SLC2A13: variants seen among roughly 807,000 people sequenced by gnomAD.
SLC2A13 encodes the protein proton myo-inositol cotransporter.
Under a neutral mutation model 64.4 loss-of-function variants are expected in SLC2A13, and 32 were observed. The observed-to-expected ratio is 0.50, with a 90% CI of 0.37 to 0.67. The LOEUF is 0.67. Ranked by LOEUF, SLC2A13 falls within the 30% of genes least tolerant of loss-of-function variation. SLC2A13 has a pLI of 0.00. For missense variants in SLC2A13, 743 were observed against 829.2 expected (o/e 0.90, Z 1.28); for synonymous variants, 338 against 327.1 (o/e 1.03, Z -0.36).
At chr12:39,770,387 G>A (rs1178650541) in intron 7 of SLC2A13, among the ~76,000 whole-genome samples, 2 of 152,128 alleles carry the variant, frequency 1.3e-5, no homozygotes, top group African/African-American at 2.4e-5. Context: ...GCAGCATGGG[G>A]CTGCTCTGAG....
rs777418112 is a variant in SLC2A13, at chr12:39,895,514, T to TTA, written c.1035-23555_1035-23554dup. Among the ~76,000 whole-genome samples the TTA allele has an allele frequency of 1.2e-3, 67 of 56,626 alleles. 2 individuals carry two copies. Among genetic ancestry groups the TTA allele is most frequent in the African/African-American group, 4.4e-3 (58 of 13,066 alleles). 37.1% of individuals were successfully genotyped at this position (56,626 alleles called of 152,430 possible). On this transcript the variant is annotated intron_variant, in intron 4 of 9. Transcript: ENST00000280871. ...CAAAAAAAAAAAAAAAAAAAAAAAA[T>TTA]TATATATATATATATATATATATAT... is the stretch of plus-strand genomic sequence containing the variant.
intron 4 of SLC2A13, among the ~76,000 whole-genome samples, chr12:39,925,682 C>T (rs1945715379): frequency 6.6e-6 from 1 of 152,012 alleles, no homozygotes; most frequent in African/African-American, 2.4e-5. Flanking sequence ...TTAGTTTTTA[C>T]TACTAAAAGA....
At chr12:40,098,460 A>C (rs1264730024) in intron 1 of SLC2A13, among the ~76,000 whole-genome samples, 1 of 152,238 alleles carries the variant, frequency 6.6e-6, no homozygotes, top group African/African-American at 2.4e-5. Context: ...TGTACACCTT[A>C]AAATGGGTTA....
chr12:39,775,012 T>G (rs553472041), intron 7 of SLC2A13, among the ~76,000 whole-genome samples: 174 of 152,298 alleles, frequency 1.1e-3, no homozygotes, highest in South Asian at 6.2e-3. Flanking sequence ...ATTTGAACAT[T>G]AGAATATTCA....
chr12:39,764,305 A>G (rs541574214), intron 9 of SLC2A13, among the ~76,000 whole-genome samples, 155 bp downstream of exon 9: 11 of 152,176 alleles, frequency 7.2e-5, no homozygotes, highest in Admixed American at 6.5e-4. Context: ...TCCCAGACAC[A>G]TTTCCGATGC....
At chr12:39,799,993 A>G (rs1941726509) in intron 7 of SLC2A13, among the ~76,000 whole-genome samples, 1 of 152,168 alleles carries the variant, frequency 6.6e-6, no homozygotes, top group Non-Finnish European at 1.5e-5. Flanking sequence ...CAAAATGAAG[A>G]TTGATGTCTA....
chr12:40,043,734 G>GA (rs76244392), intron 2 of SLC2A13, among the ~76,000 whole-genome samples: 4 of 148,824 alleles, frequency 2.7e-5, no homozygotes, highest in Admixed American at 6.7e-5. Context: ...AATATATTAG[G>GA]AAAAAAAAAA....
chr12:39,891,235 C>A (rs1364595126), intron 4 of SLC2A13, among the ~76,000 whole-genome samples: 1 of 151,004 alleles, frequency 6.6e-6, no homozygotes, highest in Non-Finnish European at 1.5e-5. Flanking sequence ...CTGCTGAGCT[C>A]TGCCTCTGCC....
At chr12:40,079,118 G>GTTTTTGTTCAGTTCAGCTCAGA in intron 1 of SLC2A13, among the ~76,000 whole-genome samples, 1 of 151,872 alleles carries the variant, frequency 6.6e-6, no homozygotes, top group South Asian at 2.1e-4. Context: ...TTCACCTGTG[G>GTTTTTGTTCAGTTCAGCTCAGA]TTTTTGTTCA....
At chr12:39,964,010 C>T (rs1028641232) in intron 3 of SLC2A13, among the ~76,000 whole-genome samples, 3 of 152,106 alleles carry the variant, frequency 2.0e-5, no homozygotes, top group East Asian at 1.9e-4. Context: ...CCCCAGATTC[C>T]GGAAGTATGA....
At chr12:39,807,836 G>A (rs1350180379) in intron 7 of SLC2A13, among the ~76,000 whole-genome samples, 1 of 152,112 alleles carries the variant, frequency 6.6e-6, no homozygotes, top group Non-Finnish European at 1.5e-5. Context: ...ATCGTACCAG[G>A]AGAATCTTGT....
At chr12:39,797,110 T>G (rs966047441) in intron 7 of SLC2A13, among the ~76,000 whole-genome samples, 4 of 152,206 alleles carry the variant, frequency 2.6e-5, no homozygotes, top group Non-Finnish European at 5.9e-5. Context: ...CAGTAAGTAC[T>G]GGTTAATGAA....
intron 4 of SLC2A13, among the ~76,000 whole-genome samples, chr12:39,941,290 T>C (rs986245525): frequency 3.9e-5 from 6 of 152,310 alleles, no homozygotes; most frequent in African/African-American, 1.4e-4. Context: ...AGATACCTAG[T>C]AGTGGGATTG....
At chr12:39,790,509 G>A (rs1941359295) in intron 7 of SLC2A13, among the ~76,000 whole-genome samples, 1 of 150,304 alleles carries the variant, frequency 6.7e-6, no homozygotes, top group Non-Finnish European at 1.5e-5. Context: ...TGAGAATGAT[G>A]GTTTCCAATT....
intron 3 of SLC2A13, among the ~76,000 whole-genome samples, chr12:40,007,945 G>A (rs1040509690): frequency 1.2e-4 from 19 of 152,036 alleles, no homozygotes; most frequent in African/African-American, 4.6e-4. Flanking sequence ...AATATACAAT[G>A]GGTTTTACGG....
At chr12:40,086,934 C>T (rs770281065) in intron 1 of SLC2A13, among the ~76,000 whole-genome samples, 2 of 152,198 alleles carry the variant, frequency 1.3e-5, no homozygotes, top group African/African-American at 2.4e-5. Flanking sequence ...TCCCAAGAGG[C>T]ATAATTAGGT....
At chr12:40,059,492 T>C (rs768714911) in intron 1 of SLC2A13, among the ~76,000 whole-genome samples, 1 of 152,200 alleles carries the variant, frequency 6.6e-6, no homozygotes, top group South Asian at 2.1e-4. Flanking sequence ...TTAGGTTTGA[T>C]TTCTTTGCTA....
intron 4 of SLC2A13, among the ~76,000 whole-genome samples, chr12:39,884,792 C>G (rs1433449802): frequency 2.0e-5 from 3 of 152,160 alleles, no homozygotes; most frequent in Non-Finnish European, 4.4e-5. Context: ...CAATTAGCCA[C>G]AGTACTGTTT....
chr12:39,976,307 G>C (rs1946756350), intron 3 of SLC2A13, among the ~76,000 whole-genome samples: 1 of 152,208 alleles, frequency 6.6e-6, no homozygotes, highest in Non-Finnish European at 1.5e-5. Context: ...TAGGCTCCAA[G>C]ATAAATTAGA....
Sources: allele counts gnomAD v4.1 joint callset (sites outside exome capture counted in the v4.1 genomes callset), GRCh38; gene constraint gnomAD v4.1.1; transcripts MANE v1.5; gene names NCBI Gene and HGNC (gene_info 2026-07-23, HGNC 2026-07-21).